The following PLCL2 variants were observed in gnomAD, a reference collection of about 807,000 sequenced individuals.
The protein encoded by PLCL2 is phospholipase C like 2, also known as inactive phospholipase C-like protein 2.
Under a neutral mutation model 79.6 loss-of-function variants are expected in PLCL2, and 4 were observed. The ratio of observed to expected loss-of-function variants is 0.05; its 90% CI spans 0.02 to 0.11. The LOEUF (loss-of-function observed/expected upper bound fraction) is 0.11. Among genes scored for constraint, PLCL2 ranks in the 10% least tolerant of loss-of-function variants. The probability of loss-of-function intolerance (pLI) is 1.00; values close to 1 mark genes in which losing one functional copy is unlikely to be tolerated. For synonymous variants in PLCL2, 484 were observed against 457.7 expected, an observed-to-expected ratio of 1.06 and a Z score of -0.73; for missense variants, 895 against 1,291.0, an observed-to-expected ratio of 0.69 and a Z score of 4.70.
chr3:17,014,972 G>T, intron 3 of PLCL2, 61 bp downstream of exon 3: 1 of 1,342,048 alleles, frequency 7.5e-7, no homozygotes, highest in Non-Finnish European at 1.1e-6. Context: ...AGACAACACA[G>T]CAGACATACT....
intron 3 of PLCL2, among the ~76,000 whole-genome samples, chr3:17,015,920 T>C (rs2064378792): frequency 6.6e-6 from 1 of 152,244 alleles, no homozygotes; most frequent in Non-Finnish European, 1.5e-5. Context: ...CACTTCTCAA[T>C]TGTGACTACT....
chr3:17,002,870 A>G (rs899907089), intron 1 of PLCL2, among the ~76,000 whole-genome samples: 3 of 151,494 alleles, frequency 2.0e-5, no homozygotes, highest in African/African-American at 7.3e-5. Context: ...TCTTGACTGT[A>G]TTTAGTCTGC....
intron 3 of PLCL2, among the ~76,000 whole-genome samples, chr3:17,034,766 T>C (rs557710158): frequency 1.3e-5 from 2 of 152,266 alleles, no homozygotes; most frequent in East Asian, 1.9e-4. Context: ...TAGGGTAAAA[T>C]TGGTTTCATT....
intron 2 of PLCL2, 49 bp downstream of exon 2, chr3:17,012,209 C>T (rs2064333762): frequency 6.6e-7 from 1 of 1,513,848 alleles, no homozygotes; most frequent in Non-Finnish European, 8.9e-7. Context: ...CTACTTTGTA[C>T]ATGTCCATAG....
intron 1 of PLCL2, among the ~76,000 whole-genome samples, chr3:16,927,688 T>C (rs1697288293): frequency 6.6e-6 from 1 of 152,196 alleles, no homozygotes; most frequent in African/African-American, 2.4e-5. Context: ...ACCCACTAGA[T>C]GTCAGTAGTG....
intron 5 of PLCL2, among the ~76,000 whole-genome samples, chr3:17,075,942 T>G (rs1308295306): frequency 2.0e-5 from 3 of 152,258 alleles, no homozygotes; most frequent in African/African-American, 7.2e-5. Context: ...ATTTGTGTTG[T>G]TTCCAATTTT....
chr3:16,977,746 C>T (rs1280930199), intron 1 of PLCL2, among the ~76,000 whole-genome samples: 1 of 152,120 alleles, frequency 6.6e-6, no homozygotes, highest in Non-Finnish European at 1.5e-5. Flanking sequence ...TTAGTTTGCC[C>T]AGGCCACCAT....
intron 1 of PLCL2, among the ~76,000 whole-genome samples, chr3:16,944,189 A>G (rs961632254): frequency 9.2e-5 from 14 of 152,218 alleles, no homozygotes; most frequent in African/African-American, 3.4e-4. Flanking sequence ...TGTTGTAAGG[A>G]TTCAGTGAAG....
chr3:16,891,149 T>C (rs1461733556), intron 1 of PLCL2, among the ~76,000 whole-genome samples: 1 of 152,192 alleles, frequency 6.6e-6, no homozygotes, highest in Non-Finnish European at 1.5e-5. Flanking sequence ...GGCAGAATTG[T>C]GGTGGGAACA....
rs905945860 is a variant in PLCL2 at position 16,970,294 on chromosome 3, A to G, written c.328-39380A>G. On this transcript the variant is annotated intron_variant, in intron 1 of 5. Coordinates refer to ENST00000615277, the MANE Select transcript of PLCL2 (RefSeq NM_001144382.2). ...TTCTCATTGTTCAATTCCCACCAAT[A>G]AGTGAGAACATGCGGTGTTTGGTTT... Among the ~76,000 whole-genome samples, 9 of 151,506 alleles carry G rather than the reference A, an allele frequency of 5.9e-5. No homozygotes were observed. In the East Asian group the frequency reaches 1.2e-3, roughly 20 times the overall value.
intron 1 of PLCL2, among the ~76,000 whole-genome samples, chr3:16,965,981 C>A (rs2124974360): frequency 6.6e-6 from 1 of 152,270 alleles, no homozygotes; most frequent in South Asian, 2.1e-4. Context: ...AATTTGACTT[C>A]CTATTTTCCT....
At chr3:17,056,700 G>A (rs1051164119) in intron 4 of PLCL2, among the ~76,000 whole-genome samples, 3 of 152,100 alleles carry the variant, frequency 2.0e-5, no homozygotes, top group African/African-American at 7.2e-5. Flanking sequence ...TTCATGACAA[G>A]TTATTATACT....
chr3:17,080,584 G>A (rs2065152940), intron 5 of PLCL2, among the ~76,000 whole-genome samples: 1 of 152,064 alleles, frequency 6.6e-6, no homozygotes, highest in South Asian at 2.1e-4. Flanking sequence ...CCGAGTAGCT[G>A]GGATTACAGT....
intron 1 of PLCL2, among the ~76,000 whole-genome samples, chr3:16,919,554 A>T (rs1697075072): frequency 6.6e-6 from 1 of 151,708 alleles, no homozygotes. Flanking sequence ...TATTTCCATT[A>T]TCCTTATTTC....
In PLCL2 at chr3:16,931,856, G is replaced by A. The variant is rs144070602; in HGVS notation, c.327+46490G>A. ...CTTATGATTGCATGTTTGTATCCCT[G>A]CAAAATTCATACATTGAGATACAAT... is the stretch of plus-strand genomic sequence containing the variant. On this transcript the variant is annotated intron_variant, in intron 1 of 5. Coordinates refer to ENST00000615277, the MANE Select transcript of PLCL2 (RefSeq NM_001144382.2). Among the ~76,000 whole-genome samples the A allele has an allele frequency of 2.6e-5, 4 of 152,276 alleles. No homozygotes were observed. In the East Asian group the frequency reaches 7.7e-4, roughly 29 times the overall value.
chr3:17,027,785 A>T (rs905140898), intron 3 of PLCL2, among the ~76,000 whole-genome samples: 1 of 152,176 alleles, frequency 6.6e-6, no homozygotes, highest in African/African-American at 2.4e-5. Context: ...TGCTGGAAAA[A>T]GCAATGAGCC....
chr3:16,983,717 A>G (rs776514162), intron 1 of PLCL2, among the ~76,000 whole-genome samples: 4 of 150,624 alleles, frequency 2.7e-5, no homozygotes, highest in Admixed American at 1.3e-4. Flanking sequence ...TCAATTTATA[A>G]TACTAATAAT....
intron 5 of PLCL2, among the ~76,000 whole-genome samples, chr3:17,082,203 G>A (rs2065169878): frequency 7.1e-6 from 1 of 141,054 alleles, no homozygotes; most frequent in African/African-American, 2.6e-5. Flanking sequence ...GAGTGCAATG[G>A]TGTGGTCTCA....
intron 3 of PLCL2, among the ~76,000 whole-genome samples, chr3:17,039,823 T>C (rs2064700975): frequency 6.6e-6 from 1 of 152,184 alleles, no homozygotes; most frequent in African/African-American, 2.4e-5. Context: ...GTATTAGTCA[T>C]CTTCATATTT....
Sources: gnomAD v4.1 joint callset for allele counts (sites outside exome capture counted in the v4.1 genomes callset) on GRCh38, gnomAD v4.1.1 for gene constraint, MANE v1.5 for transcripts, NCBI Gene and HGNC (gene_info 2026-07-23, HGNC 2026-07-21) for gene names.